Variants in DPP9 observed in about 807,000 individuals in gnomAD.
DPP9 encodes the protein dipeptidyl peptidase IV-related protein-2.
A neutral mutation model predicts 110.7 loss-of-function variants in DPP9; 50 were observed. The observed-to-expected ratio is 0.45, with a 90% CI of 0.36 to 0.57. DPP9 has a LOEUF of 0.57. DPP9 is among the 20% of genes least tolerant of loss of function. The probability of loss-of-function intolerance (pLI) is 0.00; values close to 1 mark genes in which losing one functional copy is unlikely to be tolerated. For missense variants in DPP9, 1,022 were observed against 1,217.9 expected, an observed-to-expected ratio of 0.84 and a Z score of 2.39; for synonymous variants, 561 against 514.4, an observed-to-expected ratio of 1.09 and a Z score of -1.23.
At position 4,714,142 on chromosome 19, in the gene DPP9, G is replaced by A. The variant is rs1201421774; in HGVS notation, c.252C>T (p.Asp84=). 1 of 1,613,516 alleles carries A rather than the reference G, an allele frequency of 6.2e-7. No homozygotes were observed. The highest frequency in any genetic ancestry group is 1.1e-5 in the South Asian group (1 of 91,012). The change falls in exon 4 of 22, where the codon GAC becomes GAT. Residue 84 remains aspartate (D), a synonymous_variant. Coordinates refer to ENST00000262960, the MANE Select transcript of DPP9 (RefSeq NM_139159.5). ...SGLIVNKAPH[D]FQFVQKTDES... is the part of the protein sequence containing the mutation. ...CATCCGTCTTCTGCACAAACTGGAAGTCGTGGGGCGCCTTGTTGACAATGA... is the reference window on the plus strand; with the variant it reads ...CATCCGTCTTCTGCACAAACTGGAAATCGTGGGGCGCCTTGTTGACAATGA...
At position 4,718,362 on chromosome 19, in the gene DPP9, G is replaced by A. The variant is rs138190100; in HGVS notation, c.56+1489C>T. Among the ~76,000 whole-genome samples the A allele has an allele frequency of 1.3e-5, 2 of 152,218 alleles. No homozygotes were observed. The highest frequency in any genetic ancestry group is 1.9e-4 in the East Asian group (1 of 5,190). ...CTGACTGCAGTTCTGAGTTCAGGCCGACCACAAGGTGATAAGGCAGAAAGA... is the reference window on the plus strand; with the variant it reads ...CTGACTGCAGTTCTGAGTTCAGGCCAACCACAAGGTGATAAGGCAGAAAGA... On this transcript the variant is annotated intron_variant, in intron 3 of 21. Coordinates refer to ENST00000262960, the MANE Select transcript of DPP9 (RefSeq NM_139159.5). This position sits in a 1 kb window ranked among gnomAD's most constrained non-coding sequence, Gnocchi z 4.3.
intron 4 of DPP9, among the ~76,000 whole-genome samples, chr19:4,709,631 C>A (rs1437488452): frequency 1.3e-5 from 2 of 152,008 alleles, no homozygotes. Flanking sequence ...CATGGTTGCC[C>A]GGGGCTTGGG....
At chr19:4,678,728 T>C (rs1238188864) in intron 21 of DPP9, among the ~76,000 whole-genome samples, 1 of 151,982 alleles carries the variant, frequency 6.6e-6, no homozygotes, top group Non-Finnish European at 1.5e-5. Flanking sequence ...CCCTGCTCTG[T>C]TGAAAGGCAA....
rs941164818 is a variant in DPP9 at position 4,719,992 on chromosome 19, G to A, written c.-35-51C>T. ...AAAGGGCTGCAACCCCAGCAGGTGG[G>A]GAGTGGGCGCTCCTGCCCCCTTCGC... On this transcript the variant is annotated intron_variant, in intron 2 of 21. Transcript: ENST00000262960. The A allele has an allele frequency of 8.8e-6, 13 of 1,485,350 alleles. No individual in the cohort carries two copies. The African/African-American group carries it at 1.7e-4, about 19-fold the overall frequency. The allele number at this position is 1,485,350 out of a possible 1,614,324, so 92.0% of individuals were successfully genotyped here. A position where few individuals can be genotyped will look rare whatever the true frequency, so the allele number is the denominator to read the frequency against.
At position 4,705,963 on chromosome 19, in the gene DPP9, T is replaced by C; in HGVS notation, c.321A>G (p.Pro107=). 1 of 1,613,454 alleles carries C rather than the reference T, an allele frequency of 6.2e-7. No individual in the cohort carries two copies. Among genetic ancestry groups the C allele is most frequent in the Non-Finnish European group, 8.5e-7 (1 of 1,179,534 alleles). ...GGAGGGAGTTCTCTCGGCTGCCATA[T>C]GGCATTCCTAAAGGGAGAAAGGAAA... ...HSHRLYYLGM[P]YGSRENSLLY... is the part of the protein sequence containing the mutation. The change falls in exon 5 of 22, where the codon CCA becomes CCG. Residue 107 remains proline, a synonymous_variant. Coordinates refer to ENST00000262960, the MANE Select transcript of DPP9 (RefSeq NM_139159.5).
At chr19:4,688,179 C>T (rs982981852) in intron 16 of DPP9, 1 of 152,290 alleles carries the variant, frequency 6.6e-6, no homozygotes, top group African/African-American at 2.4e-5. Flanking sequence ...TACAATCACA[C>T]TTCACTGCAG....
At chr19:4,716,638 G>GAA (rs933124981) in intron 3 of DPP9, among the ~76,000 whole-genome samples, 1 of 146,496 alleles carries the variant, frequency 6.8e-6, no homozygotes, top group Non-Finnish European at 1.5e-5. Context: ...CTCTGTCTCA[G>GAA]AAAAAAGAAA....
intron 7 of DPP9, 126 bp downstream of exon 7, chr19:4,703,760 G>A (rs1192865833): frequency 3.1e-6 from 3 of 952,426 alleles, no homozygotes; most frequent in African/African-American, 1.6e-5. Context: ...GGCTACAGAA[G>A]GTATGCACGG....
In DPP9 at chr19:4,695,043, C is replaced by T. The variant is rs1454932225; in HGVS notation, c.1354-220G>A. On this transcript the variant is annotated intron_variant, in intron 12 of 21. Transcript: ENST00000262960. This position sits in a 1 kb window ranked among gnomAD's most constrained non-coding sequence, Gnocchi z 4.7. ...GTGCAGGCTTGTGGTCCTAGCTACTCTGGAGGCTGAGGTGGGAGGATCACT... is the reference window on the plus strand; with the variant it reads ...GTGCAGGCTTGTGGTCCTAGCTACTTTGGAGGCTGAGGTGGGAGGATCACT... 1.6e-6 allele frequency: 1 copy of T among 607,184 alleles called. No individual in the cohort carries two copies. The highest frequency in any genetic ancestry group is 2.9e-6 in the Non-Finnish European group (1 of 347,168). The allele number at this position is 607,184 out of a possible 1,614,324, so 37.6% of individuals were successfully genotyped here. A position where few individuals can be genotyped will look rare whatever the true frequency, so the allele number is the denominator to read the frequency against.
rs1426083377 is a variant in DPP9 at position 4,700,602 on chromosome 19, A to G, written c.1013-325T>C. Among the ~76,000 whole-genome samples, 1 of 152,214 alleles carries G rather than the reference A, an allele frequency of 6.6e-6. No individual in the cohort carries two copies. The highest frequency in any genetic ancestry group is 1.9e-4 in the East Asian group (1 of 5,194). ...GCTTGTAGGGGCCGCAGATACCAGG[A>G]AGATGCCATCCCTGCCTTGGGAGAG... is the stretch of plus-strand genomic sequence containing the variant. On this transcript the variant is annotated intron_variant, in intron 9 of 21. Coordinates refer to ENST00000262960, the MANE Select transcript of DPP9 (RefSeq NM_139159.5). The surrounding 1 kb of genome is among the most constrained non-coding windows in gnomAD (Gnocchi z 4.3).
In DPP9 at chr19:4,694,805, G is replaced by A; in HGVS notation, c.1372C>T (p.Pro458Ser). Residue 458 changes from proline (P) to serine (S), a missense_variant, in exon 13 of 22, where the codon CCC becomes TCC. By Grantham distance (74) the Pro-to-Ser change is moderately conservative. Transcript: ENST00000262960. This position sits in a 1 kb window ranked among gnomAD's most constrained non-coding sequence, Gnocchi z 4.0. Reference sequence around the variant, plus strand: ...TCCTCTCCCTCTGATTGGGGGAAGGGATAGAAGATGTCATGAACCTGTCCG... The same window carrying A: ...TCCTCTCCCTCTGATTGGGGGAAGGAATAGAAGATGTCATGAACCTGTCCG... ...VWINVHDIFY[P>S]FPQSEGEDEL... The A allele has an allele frequency of 6.2e-7, 1 of 1,613,878 alleles. No individual in the cohort carries two copies. Among genetic ancestry groups the A allele is most frequent in the Non-Finnish European group, 8.5e-7 (1 of 1,179,864 alleles).
intron 7 of DPP9, 37 bp from the exon 8 acceptor site, chr19:4,702,753 G>A: frequency 7.2e-7 from 1 of 1,389,600 alleles, no homozygotes; most frequent in Non-Finnish European, 9.8e-7. Flanking sequence ...CAAGGGGTGA[G>A]CAGCCTGCTA....
In DPP9 at chr19:4,710,232, TG is replaced by T. The variant is rs143151614; in HGVS notation, c.313+3848del. Among the ~76,000 whole-genome samples the T allele has an allele frequency of 6.3e-3, 959 of 151,594 alleles. 8 individuals are homozygous for T. The highest frequency in any genetic ancestry group is 0.02 in the African/African-American group (818 of 41,268). ...CTGTGGCCTCGAGTGGCTGGCCTGG[TG>T]GGGGATCGTGATCCACACAGGGCTA... On this transcript the variant is annotated intron_variant, in intron 4 of 21. Transcript: ENST00000262960. The surrounding 1 kb of genome is among the most constrained non-coding windows in gnomAD (Gnocchi z 5.6).
rs2093161849 is a variant in DPP9, at chr19:4,718,154, C to A, written c.56+1697G>T. ...AGGCTGGTCTCAAACTCCTGGGCTCCAGCGATCCTGCCACCTCGGTCTAGC... is the reference window on the plus strand; with the variant it reads ...AGGCTGGTCTCAAACTCCTGGGCTCAAGCGATCCTGCCACCTCGGTCTAGC... On this transcript the variant is annotated intron_variant, in intron 3 of 21. Coordinates refer to ENST00000262960, the MANE Select transcript of DPP9 (RefSeq NM_139159.5). The surrounding 1 kb of genome is among the most constrained non-coding windows in gnomAD (Gnocchi z 4.3). 3.3e-5 allele frequency among the ~76,000 whole-genome samples: 5 copies of A among 152,192 alleles called. No homozygotes were observed. In the South Asian group the frequency reaches 1.0e-3, roughly 32 times the overall value.
chr19:4,680,227 C>A (rs1270767948), intron 20 of DPP9, among the ~76,000 whole-genome samples: 1 of 124,990 alleles, frequency 8.0e-6, no homozygotes. Flanking sequence ...CAGATGGAGA[C>A]AGCATCTCAA....
At position 4,683,611 on chromosome 19, in the gene DPP9, C is replaced by T; in HGVS notation, c.2197G>A (p.Asp733Asn). 6.2e-7 allele frequency: 1 copy of T among 1,613,432 alleles called. No individual in the cohort carries two copies. Among genetic ancestry groups the T allele is most frequent in the Non-Finnish European group, 8.5e-7 (1 of 1,179,862 alleles). The change falls in exon 19 of 22, where the codon GAC (aspartate) becomes AAC (asparagine). Residue 733 changes from aspartate to asparagine, a missense_variant. Asp to Asn is a conservative substitution (Grantham distance 23). This residue lies in a region of DPP9 where 209 missense variants were observed against 280.4 expected (regional missense o/e 0.75). Transcript: ENST00000262960. Reference protein sequence around the residue: ...KNQMGQVEIEDQVEGLQFVAE... With the variant: ...KNQMGQVEIENQVEGLQFVAE... ...ACGAACTGCAGGCCCTCCACCTGGT[C>T]CTCGATCTCCACCTGGCCCTGAGGG...
Position 4,684,581 on chromosome 19 carries a change from G to T in DPP9, c.2178+82C>A. 6.5e-7 allele frequency: 1 copy of T among 1,528,268 alleles called. No homozygotes were observed. Among genetic ancestry groups the T allele is most frequent in the East Asian group, 2.3e-5 (1 of 43,522 alleles). The allele number at this position is 1,528,268 out of a possible 1,614,324, so 94.7% of individuals were successfully genotyped here. A position where few individuals can be genotyped will look rare whatever the true frequency, so the allele number is the denominator to read the frequency against. On this transcript the variant is annotated intron_variant, in intron 18 of 21. Coordinates refer to ENST00000262960, the MANE Select transcript of DPP9 (RefSeq NM_139159.5). The surrounding 1 kb of genome is among the most constrained non-coding windows in gnomAD (Gnocchi z 4.8). ...CTTCTGCGGGTGGTATTCCAGAGCCGCTCCCATGCCCTGCACCCACACGGC... is the reference window on the plus strand; with the variant it reads ...CTTCTGCGGGTGGTATTCCAGAGCCTCTCCCATGCCCTGCACCCACACGGC...
At chr19:4,722,029 G>A (rs762715640) in intron 2 of DPP9, among the ~76,000 whole-genome samples, 2 of 152,160 alleles carry the variant, frequency 1.3e-5, no homozygotes, top group Non-Finnish European at 1.5e-5. Flanking sequence ...GGGCCACCAA[G>A]GGAATTGAAT....
intron 4 of DPP9, among the ~76,000 whole-genome samples, chr19:4,713,810 G>A (rs376126858): frequency 1.3e-5 from 2 of 152,174 alleles, no homozygotes; most frequent in East Asian, 1.9e-4. Flanking sequence ...GCCGGCTTGA[G>A]CCACGGCATC....
Sources: allele counts gnomAD v4.1 joint callset (sites outside exome capture counted in the v4.1 genomes callset), GRCh38; gene constraint gnomAD v4.1.1; regional missense constraint gnomAD v4.1.1; non-coding constraint Gnocchi (gnomAD v3.1); transcripts MANE v1.5; gene names NCBI Gene and HGNC (gene_info 2026-07-23, HGNC 2026-07-21).